The following PACRG variants were observed in gnomAD, a reference collection of about 807,000 sequenced individuals.
PACRG encodes parkin coregulated, also known as parkin coregulated gene protein.
A neutral mutation model predicts 29.7 loss-of-function variants in PACRG; 29 were observed. The observed-to-expected ratio is 0.98, with a 90% CI of 0.73 to 1.33. The LOEUF is 1.33. Among genes scored for constraint, PACRG ranks in the 40% most tolerant of loss-of-function variants. The probability of loss-of-function intolerance (pLI) is 0.00; values close to 1 mark genes in which losing one functional copy is unlikely to be tolerated. For synonymous variants in PACRG, 116 were observed against 118.7 expected (o/e 0.98, Z 0.15); for missense variants, 279 against 316.2 (o/e 0.88, Z 0.89).
intron 2 of PACRG, among the ~76,000 whole-genome samples, chr6:162,916,973 C>T (rs567995666): frequency 6.6e-5 from 10 of 151,972 alleles, no homozygotes; most frequent in Non-Finnish European, 1.2e-4. Context: ...CCAGACTGTC[C>T]GGTCTTCTAA....
Position 163,199,676 on chromosome 6 carries a change from G to A in PACRG, c.613+110268G>A, listed in dbSNP as rs1780617883. Among the ~76,000 whole-genome samples the A allele has an allele frequency of 2.0e-5, 3 of 152,202 alleles. No homozygotes were observed. In the South Asian group the frequency reaches 6.2e-4, roughly 31 times the overall value. On this transcript the variant is annotated intron_variant, in intron 4 of 4. Coordinates refer to ENST00000366888, the MANE Select transcript of PACRG (RefSeq NM_001080379.2). The stretch of plus-strand genomic sequence containing the variant: ...AGTAAATGGTGGAGGTGGGGATAGA[G>A]AATGGCCAGACTGAAACTCCACTGA...
At chr6:163,046,293 C>T (rs1046661686) in intron 2 of PACRG, among the ~76,000 whole-genome samples, 2 of 139,264 alleles carry the variant, frequency 1.4e-5, no homozygotes, top group African/African-American at 5.1e-5. Context: ...AATGATCTCT[C>T]CTTTCTCTTA....
chr6:163,179,689 A>G (rs1380234037), intron 4 of PACRG, among the ~76,000 whole-genome samples: 1 of 148,504 alleles, frequency 6.7e-6, no homozygotes, highest in African/African-American at 2.5e-5. Flanking sequence ...AGCCGGAGCA[A>G]GAGAGCAAGA....
chr6:162,765,795 T>A (rs1782738765), intron 1 of PACRG, among the ~76,000 whole-genome samples: 1 of 152,212 alleles, frequency 6.6e-6, no homozygotes, highest in African/African-American at 2.4e-5. Flanking sequence ...GTAGAACATT[T>A]CTGGAGCATT....
At chr6:162,728,504 C>CA in intron 1 of PACRG, 113 bp downstream of exon 1, 3 of 1,306,672 alleles carry the variant, frequency 2.3e-6, no homozygotes, top group Non-Finnish European at 2.1e-6. Flanking sequence ...TGGTCTTTGC[C>CA]AAAAAAGGCA....
intron 2 of PACRG, among the ~76,000 whole-genome samples, chr6:163,023,907 A>G (rs1806872137): frequency 6.6e-6 from 1 of 152,082 alleles, no homozygotes; most frequent in South Asian, 2.1e-4. Context: ...TTTTTTGCCC[A>G]TTTTTAAATG....
rs978181316 is a variant in PACRG at position 162,906,516 on chromosome 6, T to C, written c.291+92235T>C. ...TTGAGTTAAGTACATTTGGGAAATA[T>C]AGTTATCACCAATGTTGACAGAAAA... On this transcript the variant is annotated intron_variant, in intron 2 of 4. Coordinates refer to ENST00000366888, the MANE Select transcript of PACRG (RefSeq NM_001080379.2). Among the ~76,000 whole-genome samples the C allele has an allele frequency of 2.6e-5, 4 of 152,236 alleles. No individual in the cohort carries two copies. The East Asian group carries it at 7.7e-4, about 29-fold the overall frequency.
At chr6:163,164,928 T>C (rs1384383723) in intron 4 of PACRG, among the ~76,000 whole-genome samples, 1 of 152,168 alleles carries the variant, frequency 6.6e-6, no homozygotes, top group South Asian at 2.1e-4. Flanking sequence ...TGTATGTATG[T>C]ACATGAACCA....
rs1254459349 is a variant in PACRG, at chr6:162,813,702, TA to T, written c.157-444del. On this transcript the variant is annotated intron_variant, in intron 1 of 4. Coordinates refer to ENST00000366888, the MANE Select transcript of PACRG (RefSeq NM_001080379.2). Reference sequence around the variant, plus strand: ...TTCATAATGTGAGAACATATTCCACTATTTTCCATATATATAGAAAGATTGA... The same window carrying T: ...TTCATAATGTGAGAACATATTCCACTTTTTCCATATATATAGAAAGATTGA... 3.2e-4 allele frequency among the ~76,000 whole-genome samples: 48 copies of T among 152,264 alleles called. 1 individual carries two copies.
chr6:162,967,612 T>C (rs951300702), intron 2 of PACRG, among the ~76,000 whole-genome samples: 1 of 151,912 alleles, frequency 6.6e-6, no homozygotes, highest in African/African-American at 2.4e-5. Context: ...TTTCACGCCA[T>C]TCTCCTGCCT....
rs1418469222 is a variant in PACRG at position 162,853,065 on chromosome 6, T to G, written c.291+38784T>G. On this transcript the variant is annotated intron_variant, in intron 2 of 4. Coordinates refer to ENST00000366888, the MANE Select transcript of PACRG (RefSeq NM_001080379.2). This position sits in a 1 kb window ranked among gnomAD's most constrained non-coding sequence, Gnocchi z 4.7. ...AGACAGTGAACTGTCAGGTTTGGGATGGATGAGAGATTTCCTTCTTTTGTA... is the reference window on the plus strand; with the variant it reads ...AGACAGTGAACTGTCAGGTTTGGGAGGGATGAGAGATTTCCTTCTTTTGTA... Among the ~76,000 whole-genome samples, 2 of 152,152 alleles carry G rather than the reference T, an allele frequency of 1.3e-5. No homozygotes were observed. The highest frequency in any genetic ancestry group is 2.9e-5 in the Non-Finnish European group (2 of 68,020).
At chr6:162,783,094 C>T (rs924308651) in intron 1 of PACRG, among the ~76,000 whole-genome samples, 2 of 151,838 alleles carry the variant, frequency 1.3e-5, no homozygotes, top group East Asian at 1.9e-4. Flanking sequence ...AATAACCGCT[C>T]ATCCTTTTTT....
At chr6:162,783,210 T>C (rs948465372) in intron 1 of PACRG, among the ~76,000 whole-genome samples, 3 of 151,932 alleles carry the variant, frequency 2.0e-5, no homozygotes, top group African/African-American at 7.2e-5. Flanking sequence ...AAATAGATAT[T>C]TGCATATTTT....
At chr6:162,932,146 A>C (rs1417395871) in intron 2 of PACRG, among the ~76,000 whole-genome samples, 1 of 152,056 alleles carries the variant, frequency 6.6e-6, no homozygotes, top group East Asian at 1.9e-4. Context: ...TGTTGAATAA[A>C]AGAAACCAAA....
At chr6:163,144,946 C>T (rs138841627) in intron 4 of PACRG, among the ~76,000 whole-genome samples, 1 of 152,096 alleles carries the variant, frequency 6.6e-6, no homozygotes, top group Non-Finnish European at 1.5e-5. Flanking sequence ...AGATTGGGGA[C>T]CCCTCCCACC....
chr6:163,201,287 G>C (rs1362107366), intron 4 of PACRG, among the ~76,000 whole-genome samples: 1 of 152,182 alleles, frequency 6.6e-6, no homozygotes, highest in Non-Finnish European at 1.5e-5. Context: ...CTTAATAGTA[G>C]TTATAAATTG....
chr6:163,272,846 C>G (rs968725109), intron 4 of PACRG, among the ~76,000 whole-genome samples: 6 of 151,182 alleles, frequency 4.0e-5, no homozygotes, highest in Middle Eastern at 6.9e-3. Context: ...TAGTAATGAA[C>G]CATCCTTACA....
intron 2 of PACRG, among the ~76,000 whole-genome samples, chr6:162,861,940 A>G (rs1791896067): frequency 6.6e-6 from 1 of 152,072 alleles, no homozygotes; most frequent in South Asian, 2.1e-4. Flanking sequence ...GTATTTCTGT[A>G]TCCACTAGGG....
intron 1 of PACRG, among the ~76,000 whole-genome samples, chr6:162,738,070 T>G (rs1780300294): frequency 6.6e-6 from 1 of 152,204 alleles, no homozygotes; most frequent in South Asian, 2.1e-4. Context: ...TATATTCTTA[T>G]AAGTAAAACA....
Sources: gnomAD v4.1 joint callset for allele counts (sites outside exome capture counted in the v4.1 genomes callset) on GRCh38, gnomAD v4.1.1 for gene constraint, Gnocchi (gnomAD v3.1) non-coding constraint, MANE v1.5 for transcripts, NCBI Gene and HGNC (gene_info 2026-07-23, HGNC 2026-07-21) for gene names.